Variants in NPC1L1 observed in about 807,000 individuals in gnomAD.
The protein encoded by NPC1L1 is NPC1-like intracellular cholesterol transporter 1.
In NPC1L1, 98 loss-of-function variants were observed where a neutral mutation model predicts 117.0. The ratio of observed to expected loss-of-function variants is 0.84; its 90% confidence interval spans 0.71 to 0.99. The LOEUF (loss-of-function observed/expected upper bound fraction) is 0.99. NPC1L1 is among the 50% of genes least tolerant of loss of function. The pLI is 0.00. For synonymous variants in NPC1L1, 729 were observed against 727.6 expected (o/e 1.00, Z -0.03); for missense variants, 1,540 against 1,710.0 (o/e 0.90, Z 1.75).
chr7:44,533,362 C>G, intron 8 of NPC1L1, 69 bp downstream of exon 8: 1 of 1,604,284 alleles, frequency 6.2e-7, no homozygotes, highest in Non-Finnish European at 8.5e-7. Context: ...GGTGGTAAAG[C>G]CACCCCATCT....
At chr7:44,516,282 G>T in intron 16 of NPC1L1, 85 bp from the exon 17 acceptor site, 1 of 1,142,950 alleles carries the variant, frequency 8.7e-7, no homozygotes, top group Non-Finnish European at 1.3e-6. Flanking sequence ...GGACCAGCGT[G>T]GGGCAGGCAT....
rs766142875 is a variant in NPC1L1, at chr7:44,533,527, G to T, written c.2313C>A (p.Thr771=). 1 of 1,614,228 alleles carries T rather than the reference G, an allele frequency of 6.2e-7. No individual in the cohort carries two copies. Among genetic ancestry groups the T allele is most frequent in the Non-Finnish European group, 8.5e-7 (1 of 1,180,034 alleles). ...GALTPMPAVR[T]FALTSGLAVI... ...CTGCAAGGCCAGAGGTCAGGGCAAA[G>T]GTCCGCACAGCTGGCATGGGGGTCA... The change falls in exon 8 of 19, where the codon ACC becomes ACA. Residue 771 remains threonine (T), a synonymous_variant. Coordinates refer to ENST00000381160, the MANE Select transcript of NPC1L1 (RefSeq NM_001101648.2).
At chr7:44,531,185 T>A (rs1273232481) in intron 10 of NPC1L1, among the ~76,000 whole-genome samples, 3 of 152,238 alleles carry the variant, frequency 2.0e-5, no homozygotes, top group African/African-American at 7.2e-5. Flanking sequence ...ATTGTGCCTG[T>A]TGGCCCGCAC....
Position 44,538,883 on chromosome 7 carries a change from G to C in NPC1L1, c.1514C>G (p.Ala505Gly). Residue 505 changes from alanine (A) to glycine (G), a missense_variant, in exon 2 of 19, where the codon GCC (alanine) becomes GGC (glycine). Around this residue, in one of 3 missense-constraint regions of NPC1L1, gnomAD observed 793 missense variants for 820.4 expected, o/e 0.97. Coordinates refer to ENST00000381160, the MANE Select transcript of NPC1L1 (RefSeq NM_001101648.2). This position sits in a 1 kb window ranked among gnomAD's most constrained non-coding sequence, Gnocchi z 5.9. ...GGTCTGCCCCATCAGTGTCTGGTTG[G>C]CTGTGAGCAGCAGGAGCGTGCGGTT... is the stretch of plus-strand genomic sequence containing the variant. ...QNNRTLLLLTANQTLMGQTSQ... is the reference protein window; with the variant it reads ...QNNRTLLLLTGNQTLMGQTSQ... The C allele has an allele frequency of 6.2e-7, 1 of 1,614,232 alleles. No individual in the cohort carries two copies. Among genetic ancestry groups the C allele is most frequent in the African/African-American group, 1.3e-5 (1 of 75,062 alleles).
Position 44,520,819 on chromosome 7 carries a change from C to T in NPC1L1, c.3082G>A (p.Gly1028Ser), listed in dbSNP as rs984503930. The change falls in exon 14 of 19, where the codon GGC (glycine) becomes AGC (serine). Residue 1028 changes from glycine (G) to serine (S), a missense_variant and splice_region_variant. Gly to Ser is a moderately conservative substitution (Grantham distance 56). Transcript: ENST00000381160. Reference sequence around the variant, plus strand: ...ACAGAGGTGCTGTATGCTGCCAGGCCGCTGCAAGAAGGTCAGGGCAAAGGC... The same window carrying T: ...ACAGAGGTGCTGTATGCTGCCAGGCTGCTGCAAGAAGGTCAGGGCAAAGGC... ...DRPNIKCPKG[G>S]LAAYSTSVNL... The T allele has an allele frequency of 9.3e-6, 15 of 1,613,960 alleles. No homozygotes were observed. The highest frequency in any genetic ancestry group is 3.3e-5 in the Admixed American group (2 of 60,004).
intron 8 of NPC1L1, among the ~76,000 whole-genome samples, chr7:44,533,064 C>T (rs905715611): frequency 1.3e-5 from 2 of 151,952 alleles, no homozygotes; most frequent in East Asian, 3.9e-4. Flanking sequence ...TGATATCACG[C>T]CATTGCACTC....
At position 44,536,240 on chromosome 7, in the gene NPC1L1, A is replaced by G. The variant is rs774819327; in HGVS notation, c.1854+16T>C. The stretch of plus-strand genomic sequence containing the variant: ...CTGGGTTGCACCCCCAGAGCCAGGG[A>G]CCCTGCAGCCCCTACCTCAGCCATG... On this transcript the variant is annotated intron_variant, in intron 4 of 18. Transcript: ENST00000381160. The surrounding 1 kb of genome is among the most constrained non-coding windows in gnomAD (Gnocchi z 4.7). The G allele has an allele frequency of 2.5e-6, 4 of 1,612,584 alleles. No homozygotes were observed. The African/African-American group carries it at 5.3e-5, about 22-fold the overall frequency.
Position 44,536,966 on chromosome 7 carries a change from G to A in NPC1L1, c.1581-24C>T, listed in dbSNP as rs768041372. 1 of 1,602,740 alleles carries A rather than the reference G, an allele frequency of 6.2e-7. No homozygotes were observed. Among genetic ancestry groups the A allele is most frequent in the Non-Finnish European group, 8.5e-7 (1 of 1,171,176 alleles). ...CACTAGAGGGAGATGACCGCAAAGGGAAAGGGCCTTTCCTGGCCCTGCCCA... is the reference window on the plus strand; with the variant it reads ...CACTAGAGGGAGATGACCGCAAAGGAAAAGGGCCTTTCCTGGCCCTGCCCA... On this transcript the variant is annotated intron_variant, in intron 2 of 18. Transcript: ENST00000381160. The surrounding 1 kb of genome is among the most constrained non-coding windows in gnomAD (Gnocchi z 4.7).
At position 44,539,839 on chromosome 7, in the gene NPC1L1, G is replaced by T. The variant is rs775246879; in HGVS notation, c.558C>A (p.Gly186=). 6.2e-7 allele frequency: 1 copy of T among 1,614,046 alleles called. No homozygotes were observed. The highest frequency in any genetic ancestry group is 1.7e-5 in the Admixed American group (1 of 60,014). Residue 186 remains glycine (G), a synonymous_variant, in exon 2 of 19, where the codon GGC becomes GGA. Transcript: ENST00000381160. This position sits in a 1 kb window ranked among gnomAD's most constrained non-coding sequence, Gnocchi z 4.4. ...RVPAAATLAV[G]TMCGVYGSAL... Reference sequence around the variant, plus strand: ...CAGAGCCATACACGCCACACATGGTGCCCACAGCCAGCGTGGCAGCTGCAG... The same window carrying T: ...CAGAGCCATACACGCCACACATGGTTCCCACAGCCAGCGTGGCAGCTGCAG...
intron 1 of NPC1L1, 116 bp from the exon 2 acceptor site, chr7:44,540,458 G>A (rs896498344): frequency 1.0e-5 from 9 of 871,598 alleles, no homozygotes; most frequent in African/African-American, 8.3e-5. Flanking sequence ...GCAGGGAAGC[G>A]GGGAGTGTGG....
Position 44,518,618 on chromosome 7 carries a change from G to A in NPC1L1, c.3137-1261C>T, listed in dbSNP as rs7799594. ...CAGGAGGTAGAGGTTGCAGTGAGCC[G>A]AGATTGTGCCACTGTACTCCAGCCT... On this transcript the variant is annotated intron_variant, in intron 14 of 18. Coordinates refer to ENST00000381160, the MANE Select transcript of NPC1L1 (RefSeq NM_001101648.2). The A allele has an allele frequency of 1.4e-5, 11 of 767,064 alleles. No homozygotes were observed. The highest frequency in any genetic ancestry group is 7.3e-5 in the African/African-American group (4 of 54,728). 47.5% of individuals were successfully genotyped at this position (767,064 alleles called of 1,614,324 possible).
In NPC1L1 at chr7:44,540,281, C is replaced by A. The variant is rs755016660; in HGVS notation, c.116G>T (p.Cys39Phe). The change falls in exon 2 of 19, where the codon TGT becomes TTT. Residue 39 changes from cysteine (C) to phenylalanine (F), a missense_variant. Cys to Phe is a radical substitution (Grantham distance 205). This residue lies in a region of NPC1L1 where 793 missense variants were observed against 820.4 expected (regional missense o/e 0.97). Transcript: ENST00000381160. ...QPGYCAFYDE[C>F]GKNPELSGSL... ...TCCAGACAGCTCTGGGTTCTTCCCA[C>A]ATTCGTCATAGAAGGCGCAGTAGCC... 6.2e-7 allele frequency: 1 copy of A among 1,613,890 alleles called. No homozygotes were observed. Among genetic ancestry groups the A allele is most frequent in the Non-Finnish European group, 8.5e-7 (1 of 1,180,032 alleles).
intron 9 of NPC1L1, 67 bp downstream of exon 9, chr7:44,532,013 C>A: frequency 1.2e-6 from 2 of 1,612,082 alleles, no homozygotes; most frequent in South Asian, 1.1e-5. Flanking sequence ...CACCTCCAAC[C>A]CTGCTCTCCC....
Position 44,519,025 on chromosome 7 carries a change from C to CTTTCT in NPC1L1, c.3137-1673_3137-1669dup, listed in dbSNP as rs142811942. ...TTTCTCTCTCTCTCTTTCTCCCTTT[C>CTTTCT]TTTCTTTTCTTTTCTTTTCTTTCCT... On this transcript the variant is annotated intron_variant, in intron 14 of 18. Coordinates refer to ENST00000381160, the MANE Select transcript of NPC1L1 (RefSeq NM_001101648.2). 1.8e-4 allele frequency among the ~76,000 whole-genome samples: 27 copies of CTTTCT among 148,852 alleles called. No individual in the cohort carries two copies. The South Asian group carries it at 3.0e-3, about 17-fold the overall frequency.
At position 44,533,813 on chromosome 7, in the gene NPC1L1, A is replaced by T. The variant is rs754960204; in HGVS notation, c.2207T>A (p.Ile736Asn). Residue 736 changes from isoleucine to asparagine, a missense_variant, in exon 7 of 19, where the codon ATT becomes AAT. Physicochemically the swap from Ile to Asn is moderately radical, Grantham distance 149. Transcript: ENST00000381160. ...RRPGEPREVH[I>N]GRALGRVAPS... ...AGCCACCCTGCCTAGGGCTCGCCCA[A>T]TGTGGACCTCTCGTGGCTCCCCAGG... 2 of 1,613,560 alleles carry T rather than the reference A, an allele frequency of 1.2e-6. No homozygotes were observed. The highest frequency in any genetic ancestry group is 3.3e-5 in the Admixed American group (2 of 59,966).
At chr7:44,532,292 G>A in intron 8 of NPC1L1, 75 bp from the exon 9 acceptor site, 2 of 1,589,652 alleles carry the variant, frequency 1.3e-6, no homozygotes, top group Non-Finnish European at 8.6e-7. Context: ...TGCCCCCAGG[G>A]AGTGTCACCT....
At chr7:44,533,880 C>A (rs1320496001) in intron 6 of NPC1L1, 27 bp from the exon 7 acceptor site, 2 of 1,573,068 alleles carry the variant, frequency 1.3e-6, no homozygotes, top group Non-Finnish European at 1.7e-6. Context: ...GGGATAAGAG[C>A]CAGGGCCCTC....
Position 44,540,147 on chromosome 7 carries a change from C to T in NPC1L1, c.250G>A (p.Gly84Ser), listed in dbSNP as rs370811034. 8.1e-6 allele frequency: 13 copies of T among 1,613,852 alleles called. No homozygotes were observed. The highest frequency in any genetic ancestry group is 3.3e-5 in the Admixed American group (2 of 60,004). Residue 84 changes from glycine (G) to serine (S), a missense_variant, in exon 2 of 19, where the codon GGC (glycine) becomes AGC (serine). By Grantham distance (56) the Gly-to-Ser change is moderately conservative (BLOSUM62 0). Coordinates refer to ENST00000381160, the MANE Select transcript of NPC1L1 (RefSeq NM_001101648.2). ...GAGCAGCAGGCTTGGGTGTTGGGGC[C>T]GGTGTAGAGGCGGGGGCAGATCTTC... is the stretch of plus-strand genomic sequence containing the variant. ...LQKICPRLYT[G>S]PNTQACCSAK...
Position 44,539,012 on chromosome 7 carries a change from T to C in NPC1L1, c.1385A>G (p.Gln462Arg), listed in dbSNP as rs770304690. 3 of 1,614,172 alleles carry C rather than the reference T, an allele frequency of 1.9e-6. No homozygotes were observed. The highest frequency in any genetic ancestry group is 1.7e-5 in the Admixed American group (1 of 60,012). The change falls in exon 2 of 19, where the codon CAG (glutamine) becomes CGG (arginine). Residue 462 changes from glutamine (Q) to arginine (R), a missense_variant. By Grantham distance (43) the Gln-to-Arg change is conservative. Transcript: ENST00000381160. This position sits in a 1 kb window ranked among gnomAD's most constrained non-coding sequence, Gnocchi z 4.4. ...GATGTCCTGCAGGGAGATGTTGCGC[T>C]GTGCTTCGGGCGACCATACCTGGAG... ...RHLQVWSPEA[Q>R]RNISLQDICY...
Sources: gnomAD v4.1 joint callset for allele counts (sites outside exome capture counted in the v4.1 genomes callset) on GRCh38, gnomAD v4.1.1 for gene constraint, gnomAD v4.1.1 regional missense constraint, Gnocchi (gnomAD v3.1) non-coding constraint, MANE v1.5 for transcripts, NCBI Gene and HGNC (gene_info 2026-07-23, HGNC 2026-07-21) for gene names.